The following ADAMTSL4 variants were observed in gnomAD, a reference collection of about 807,000 sequenced individuals.
ADAMTSL4 encodes the protein ADAMTS-like protein 4.
ADAMTSL4 carries 97 observed loss-of-function variants against 122.8 expected under a neutral mutation model. The observed-to-expected ratio is 0.79, with a 90% confidence interval of 0.67 to 0.93. The LOEUF (loss-of-function observed/expected upper bound fraction) is 0.93, where lower values mean the gene tolerates loss of function less well. ADAMTSL4 is among the 40% of genes least tolerant of loss of function. The probability of loss-of-function intolerance (pLI) is 0.00; values close to 1 mark genes in which losing one functional copy is unlikely to be tolerated. For synonymous variants in ADAMTSL4, 592 were observed against 568.0 expected, an observed-to-expected ratio of 1.04 and a Z score of -0.60; for missense variants, 1,408 against 1,453.5, an observed-to-expected ratio of 0.97 and a Z score of 0.51.
Position 150,558,930 on chromosome 1 carries a change from C to A in ADAMTSL4, c.2560-32C>A, listed in dbSNP as rs760358950. Reference sequence around the variant, plus strand: ...GTCCCTTGTGCCAGTCACCAGCAGGCCCCTCACACAGGCCGCTCTCCTCCT... The same window carrying A: ...GTCCCTTGTGCCAGTCACCAGCAGGACCCTCACACAGGCCGCTCTCCTCCT... On this transcript the variant is annotated intron_variant, in intron 15 of 18. Coordinates refer to ENST00000271643, the MANE Select transcript of ADAMTSL4 (RefSeq NM_019032.6). 3 of 1,576,468 alleles carry A rather than the reference C, an allele frequency of 1.9e-6. No homozygotes were observed. In the African/African-American group the frequency reaches 4.0e-5, roughly 21 times the overall value.
intron 13 of ADAMTSL4, 97 bp from the exon 14 acceptor site, chr1:150,557,848 C>A: frequency 6.8e-7 from 1 of 1,473,622 alleles, no homozygotes; most frequent in Non-Finnish European, 9.2e-7. Context: ...TCCTCTGAGG[C>A]CCCCACGTCC....
chr1:150,554,542 C>T lies in ADAMTSL4; in HGVS notation c.1234+75C>T, dbSNP rs750330260. The T allele has an allele frequency of 1.9e-5, 30 of 1,590,558 alleles. No homozygotes were observed. The highest frequency in any genetic ancestry group is 2.3e-5 in the Non-Finnish European group (27 of 1,168,354). On this transcript the variant is annotated intron_variant, in intron 7 of 18. Transcript: ENST00000271643. This position sits in a 1 kb window ranked among gnomAD's most constrained non-coding sequence, Gnocchi z 4.0. ...GAAGGGGAGAGGAGATACCTGCTTA[C>T]TCCCAGCCCTGAATGACTTCCAGCC...
Position 150,554,444 on chromosome 1 carries a change from A to G in ADAMTSL4, c.1211A>G (p.Tyr404Cys). The G allele has an allele frequency of 6.2e-7, 1 of 1,614,070 alleles. No homozygotes were observed. Among genetic ancestry groups the G allele is most frequent in the East Asian group, 2.2e-5 (1 of 44,878 alleles). The change falls in exon 7 of 19, where the codon TAT becomes TGT. Residue 404 changes from tyrosine (Y) to cysteine (C), a missense_variant. Coordinates refer to ENST00000271643, the MANE Select transcript of ADAMTSL4 (RefSeq NM_019032.6). This position sits in a 1 kb window ranked among gnomAD's most constrained non-coding sequence, Gnocchi z 4.0. Reference protein sequence around the residue: ...FNSQEFMGQLYQWEPFTEVQG... With the variant: ...FNSQEFMGQLCQWEPFTEVQG... ...TCCCAGGAATTCATGGGCCAGCTGT[A>G]TCAGTGGGAGCCCTTCACTGAAGGT...
chr1:150,557,782 C>T (rs1672330309), intron 13 of ADAMTSL4, 159 bp downstream of exon 13: 1 of 1,302,464 alleles, frequency 7.7e-7, no homozygotes, highest in Non-Finnish European at 1.0e-6. Context: ...GCAAGAAAGC[C>T]ATGGCAGGCT....
At chr1:150,558,871 G>C (rs587766196) in intron 15 of ADAMTSL4, 91 bp from the exon 16 acceptor site, 114 of 1,539,324 alleles carry the variant, frequency 7.4e-5, no homozygotes, top group Non-Finnish European at 9.6e-5. Flanking sequence ...CCCAGGATTC[G>C]GACCCAGGAT....
chr1:150,557,565 G>A lies in ADAMTSL4; in HGVS notation c.2119G>A (p.Ala707Thr), dbSNP rs780562270. ...GEELDERSCA[A>T]GARPPASPEP... ...GGAACTGGATGAACGCAGCTGTGCC[G>A]CGGGTGCCAGGCCCCCAGCCTCCCC... The change falls in exon 13 of 19, where the codon GCG (alanine) becomes ACG (threonine). Residue 707 changes from alanine to threonine, a missense_variant. By Grantham distance (58) the Ala-to-Thr change is moderately conservative. Coordinates refer to ENST00000271643, the MANE Select transcript of ADAMTSL4 (RefSeq NM_019032.6). The A allele has an allele frequency of 2.9e-5, 47 of 1,605,976 alleles. No individual in the cohort carries two copies. The highest frequency in any genetic ancestry group is 1.3e-4 in the South Asian group (12 of 90,146).
chr1:150,557,013 C>T lies in ADAMTSL4; in HGVS notation c.1824C>T (p.Asn608=), dbSNP rs762772688. 3 of 1,613,986 alleles carry T rather than the reference C, an allele frequency of 1.9e-6. No homozygotes were observed. Among genetic ancestry groups the T allele is most frequent in the South Asian group, 1.1e-5 (1 of 91,078 alleles). ...CTTCACCTCCTCCAATCCTTGAGAACCCCACCCCAGAGCCCCCTGTCCCCC... is the reference window on the plus strand; with the variant it reads ...CTTCACCTCCTCCAATCCTTGAGAATCCCACCCCAGAGCCCCCTGTCCCCC... ...VISSPPPILE[N]PTPEPPVPQL... The change falls in exon 11 of 19, where the codon AAC becomes AAT. Residue 608 remains asparagine (N), a synonymous_variant. Coordinates refer to ENST00000271643, the MANE Select transcript of ADAMTSL4 (RefSeq NM_019032.6).
intron 2 of ADAMTSL4, chr1:150,551,048 G>A (rs1299692695): frequency 2.2e-6 from 1 of 455,140 alleles, no homozygotes; most frequent in Non-Finnish European, 4.4e-6. Context: ...GGGGTGGGAA[G>A]GACTCAAAGT....
intron 7 of ADAMTSL4, 76 bp from the exon 8 acceptor site, chr1:150,555,353 G>A (rs587743882): frequency 1.3e-5 from 21 of 1,586,280 alleles, no homozygotes; most frequent in Non-Finnish European, 1.8e-5. Flanking sequence ...CAACCTCAAG[G>A]TGCCCCCTCT....
Position 150,554,588 on chromosome 1 carries a change from T to C in ADAMTSL4, c.1234+121T>C, listed in dbSNP as rs1671814839. 2.6e-6 allele frequency: 4 copies of C among 1,552,840 alleles called. No individual in the cohort carries two copies. Among genetic ancestry groups the C allele is most frequent in the Non-Finnish European group, 3.5e-6 (4 of 1,148,284 alleles). On this transcript the variant is annotated intron_variant, in intron 7 of 18. Transcript: ENST00000271643. The surrounding 1 kb of genome is among the most constrained non-coding windows in gnomAD (Gnocchi z 4.0). Reference sequence around the variant, plus strand: ...CAGCCCCTCTGCTTCCCCTGCGCCATGCCTTCTTTCTTCTCCCTGGGGCTG... The same window carrying C: ...CAGCCCCTCTGCTTCCCCTGCGCCACGCCTTCTTTCTTCTCCCTGGGGCTG...
Position 150,553,175 on chromosome 1 carries a change from G to C in ADAMTSL4, c.356G>C (p.Arg119Pro). 2 of 1,610,304 alleles carry C rather than the reference G, an allele frequency of 1.2e-6. No homozygotes were observed. Among genetic ancestry groups the C allele is most frequent in the Non-Finnish European group, 1.7e-6 (2 of 1,178,086 alleles). Residue 119 changes from arginine (R) to proline (P), a missense_variant, in exon 5 of 19, where the codon CGG (arginine) becomes CCG (proline). By Grantham distance (103) the Arg-to-Pro change is moderately radical. Transcript: ENST00000271643. ...ETLPLYRTQSRGRGGPLRGPA... is the reference protein window; with the variant it reads ...ETLPLYRTQSPGRGGPLRGPA... ...CTCCCCTTGTACAGGACACAGTCTC[G>C]GGGAAGGGGTGGCCCACTTCGAGGT... is the stretch of plus-strand genomic sequence containing the variant.
rs1671457579 is a variant in ADAMTSL4 at position 150,552,005 on chromosome 1, C to T, written c.-84-200C>T. 4 of 498,302 alleles carry T rather than the reference C, an allele frequency of 8.0e-6. 1 individual carries two copies. The South Asian group carries it at 1.1e-4, about 13-fold the overall frequency. The allele number at this position is 498,302 out of a possible 1,614,324, so 30.9% of individuals were successfully genotyped here. On this transcript the variant is annotated intron_variant, in intron 2 of 18. Transcript: ENST00000271643. The surrounding 1 kb of genome is among the most constrained non-coding windows in gnomAD (Gnocchi z 4.0). ...ACAGGGCCCAGAGGTGGGGACTGAG[C>T]CTTAGTTGGAGGGCTGAGGTCAGCC... is the stretch of plus-strand genomic sequence containing the variant.
In ADAMTSL4 at chr1:150,552,648, A is replaced by C; in HGVS notation, c.78+48A>C. ...GCTGCAGCCTGCCTGCCACCCTTTC[A>C]TCTCCCCCTAGGCTCCCACCCCATC... On this transcript the variant is annotated intron_variant, in intron 4 of 18. Transcript: ENST00000271643. The surrounding 1 kb of genome is among the most constrained non-coding windows in gnomAD (Gnocchi z 4.0). 1 of 1,578,466 alleles carries C rather than the reference A, an allele frequency of 6.3e-7. No individual in the cohort carries two copies. Among genetic ancestry groups the C allele is most frequent in the Non-Finnish European group, 8.6e-7 (1 of 1,162,202 alleles).
Position 150,552,442 on chromosome 1 carries a change from T to C in ADAMTSL4, c.21-101T>C. 1 of 1,581,612 alleles carries C rather than the reference T, an allele frequency of 6.3e-7. No homozygotes were observed. Among genetic ancestry groups the C allele is most frequent in the South Asian group, 1.1e-5 (1 of 89,262 alleles). On this transcript the variant is annotated intron_variant, in intron 3 of 18. Coordinates refer to ENST00000271643, the MANE Select transcript of ADAMTSL4 (RefSeq NM_019032.6). This position sits in a 1 kb window ranked among gnomAD's most constrained non-coding sequence, Gnocchi z 4.0. Reference sequence around the variant, plus strand: ...TGAGTAACTTCTGCTTTCTGAGAAGTTGGTAGTCAGGATATGGGAGCCGGC... The same window carrying C: ...TGAGTAACTTCTGCTTTCTGAGAAGCTGGTAGTCAGGATATGGGAGCCGGC...
In ADAMTSL4 at chr1:150,552,364, T is replaced by G; in HGVS notation, c.20+56T>G. ...GGAAAAGGGGAGGTGCTGGGATGGC[T>G]CTGTGTCTGGAAGTGAGGGAAAGGG... is the stretch of plus-strand genomic sequence containing the variant. On this transcript the variant is annotated intron_variant, in intron 3 of 18. Coordinates refer to ENST00000271643, the MANE Select transcript of ADAMTSL4 (RefSeq NM_019032.6). The surrounding 1 kb of genome is among the most constrained non-coding windows in gnomAD (Gnocchi z 4.0). The G allele has an allele frequency of 1.3e-6, 2 of 1,545,336 alleles. No individual in the cohort carries two copies. The highest frequency in any genetic ancestry group is 1.8e-6 in the Non-Finnish European group (2 of 1,139,618).
At chr1:150,557,082 G>A (rs1188003249) in intron 11 of ADAMTSL4, 32 bp downstream of exon 11, 6 of 1,612,330 alleles carry the variant, frequency 3.7e-6, no homozygotes, top group Non-Finnish European at 5.1e-6. Context: ...TTGGAAGGAG[G>A]AGGGAGAGGC....
In ADAMTSL4 at chr1:150,556,721, T is replaced by C. The variant is rs188285649; in HGVS notation, c.1677T>C (p.Arg559=). 66 of 1,613,572 alleles carry C rather than the reference T, an allele frequency of 4.1e-5. No homozygotes were observed. The Middle Eastern group carries it at 4.9e-4, about 12-fold the overall frequency. ...GCGGGACCGTCTTTCGATATAACCG[T>C]CCTCCCAGGGAGGAGGGCAAAGGGG... ...RAGGTVFRYN[R]PPREEGKGES... The change falls in exon 10 of 19, where the codon CGT becomes CGC. Residue 559 remains arginine, a synonymous_variant. Transcript: ENST00000271643. The surrounding 1 kb of genome is among the most constrained non-coding windows in gnomAD (Gnocchi z 4.1).
In ADAMTSL4 at chr1:150,557,980, C is replaced by T. The variant is rs1281691529; in HGVS notation, c.2213C>T (p.Ser738Phe). 6 of 1,610,846 alleles carry T rather than the reference C, an allele frequency of 3.7e-6. No homozygotes were observed. Among genetic ancestry groups the T allele is most frequent in the Non-Finnish European group, 5.1e-6 (6 of 1,179,792 alleles). ...GGCGAGTGGACATCCTGCAGCCGCTCCTGTGGCCCCGGCACCCAGCACCGC... is the reference window on the plus strand; with the variant it reads ...GGCGAGTGGACATCCTGCAGCCGCTTCTGTGGCCCCGGCACCCAGCACCGC... ...EAGEWTSCSRSCGPGTQHRQL... is the reference protein window; with the variant it reads ...EAGEWTSCSRFCGPGTQHRQL... The change falls in exon 14 of 19, where the codon TCC becomes TTC. Residue 738 changes from serine to phenylalanine, a missense_variant. Ser to Phe is a radical substitution (Grantham distance 155, BLOSUM62 -2). Coordinates refer to ENST00000271643, the MANE Select transcript of ADAMTSL4 (RefSeq NM_019032.6).
Position 150,553,989 on chromosome 1 carries a change from A to G in ADAMTSL4, c.998A>G (p.Gln333Arg), listed in dbSNP as rs756499452. 5.0e-6 allele frequency: 8 copies of G among 1,611,746 alleles called. No individual in the cohort carries two copies. Among genetic ancestry groups the G allele is most frequent in the South Asian group, 3.3e-5 (3 of 90,968 alleles). The stretch of plus-strand genomic sequence containing the variant: ...GGGCCCCGCCTGGAGCCTGACCCTC[A>G]GCACCCGGGCGCCTGGCTGCCCCTG... ...PHGPRLEPDP[Q>R]HPGAWLPLLS... Residue 333 changes from glutamine (Q) to arginine (R), a missense_variant, in exon 6 of 19, where the codon CAG becomes CGG. By Grantham distance (43) the Gln-to-Arg change is conservative. Coordinates refer to ENST00000271643, the MANE Select transcript of ADAMTSL4 (RefSeq NM_019032.6).
Sources: gnomAD v4.1 joint callset for allele counts on GRCh38, gnomAD v4.1.1 for gene constraint, Gnocchi (gnomAD v3.1) non-coding constraint, MANE v1.5 for transcripts, NCBI Gene and HGNC (gene_info 2026-07-23, HGNC 2026-07-21) for gene names.